PCOLCE2: variants seen among roughly 807,000 people sequenced by gnomAD.
PCOLCE2 encodes the protein procollagen C-proteinase enhancer 2.
Under a neutral mutation model 47.0 loss-of-function variants are expected in PCOLCE2, and 42 were observed. The ratio of observed to expected loss-of-function variants is 0.89; its 90% CI spans 0.70 to 1.16. The LOEUF is 1.16. Ranked by LOEUF, PCOLCE2 falls within the 50% of genes most tolerant of loss-of-function variation. The pLI is 0.00. For synonymous variants in PCOLCE2, 169 were observed against 191.7 expected (o/e 0.88, Z 0.98); for missense variants, 500 against 526.1 (o/e 0.95, Z 0.49).
rs1010726022 is a variant in PCOLCE2, at chr3:142,827,298, C to T, written c.865+2394G>A. The T allele has an allele frequency of 1.0e-5, 14 of 1,335,244 alleles. No individual in the cohort carries two copies. In the South Asian group the frequency reaches 1.2e-4, roughly 11 times the overall value. The allele number at this position is 1,335,244 out of a possible 1,614,324, so 82.7% of individuals were successfully genotyped here. A position where few individuals can be genotyped will look rare whatever the true frequency, so the allele number is the denominator to read the frequency against. ...ACTCGTGGCCACCAGTTCCTCTTTGCCTTATATTTGTGGTAGGCTTGGCAA... is the reference window on the plus strand; with the variant it reads ...ACTCGTGGCCACCAGTTCCTCTTTGTCTTATATTTGTGGTAGGCTTGGCAA... On this transcript the variant is annotated intron_variant, in intron 6 of 8. Transcript: ENST00000295992.
intron 2 of PCOLCE2, among the ~76,000 whole-genome samples, chr3:142,863,041 T>C (rs974231421): frequency 6.8e-6 from 1 of 147,932 alleles, no homozygotes. Flanking sequence ...TTAGTTCCCA[T>C]TTTTCACACC....
chr3:142,839,518 G>A (rs1470417240), intron 4 of PCOLCE2, among the ~76,000 whole-genome samples: 1 of 152,080 alleles, frequency 6.6e-6, no homozygotes, highest in Non-Finnish European at 1.5e-5. Flanking sequence ...TCACCATGTT[G>A]GCCAGTCTGC....
chr3:142,829,331 G>C (rs1032465953), intron 6 of PCOLCE2, among the ~76,000 whole-genome samples: 1 of 148,550 alleles, frequency 6.7e-6, no homozygotes. Flanking sequence ...AACACAGATA[G>C]CAAGGCCCTA....
chr3:142,822,926 G>C (rs1217566263), intron 7 of PCOLCE2, among the ~76,000 whole-genome samples: 2 of 152,182 alleles, frequency 1.3e-5, no homozygotes, highest in African/African-American at 4.8e-5. Context: ...AAATAACCAA[G>C]ATAAAATGTT....
At chr3:142,819,192 A>G (rs772706559) in intron 8 of PCOLCE2, among the ~76,000 whole-genome samples, 1 of 152,208 alleles carries the variant, frequency 6.6e-6, no homozygotes, top group Non-Finnish European at 1.5e-5. Flanking sequence ...TATTGGTTAT[A>G]CTATGTTTTT....
chr3:142,843,210 A>G, intron 3 of PCOLCE2, 162 bp from the exon 4 acceptor site: 1 of 708,000 alleles, frequency 1.4e-6, no homozygotes, highest in East Asian at 2.8e-5. Context: ...TACATACATA[A>G]CCCCCCAACA....
At chr3:142,828,715 C>T (rs1937112680) in intron 6 of PCOLCE2, among the ~76,000 whole-genome samples, 2 of 152,178 alleles carry the variant, frequency 1.3e-5, no homozygotes, top group African/African-American at 2.4e-5. Flanking sequence ...CAAATCCATG[C>T]TTGCGATTTC....
chr3:142,830,480 G>A (rs1265230071), intron 5 of PCOLCE2, among the ~76,000 whole-genome samples: 1 of 152,200 alleles, frequency 6.6e-6, no homozygotes, highest in African/African-American at 2.4e-5. Flanking sequence ...TTCAATGGCA[G>A]TTCTTCGGTA....
chr3:142,834,789 TTGTAC>T (rs1486731339), intron 5 of PCOLCE2, among the ~76,000 whole-genome samples: 1 of 152,212 alleles, frequency 6.6e-6, no homozygotes, highest in Non-Finnish European at 1.5e-5. Context: ...TATTATTTTC[TTGTAC>T]TGTCCTTACC....
chr3:142,885,174 T>C (rs1489649300), intron 2 of PCOLCE2, among the ~76,000 whole-genome samples: 1 of 152,202 alleles, frequency 6.6e-6, no homozygotes, highest in Non-Finnish European at 1.5e-5. Flanking sequence ...AATCAGACAT[T>C]TCCCATTCTT....
chr3:142,856,527 C>T (rs1444133899), intron 2 of PCOLCE2, among the ~76,000 whole-genome samples: 3 of 152,126 alleles, frequency 2.0e-5, no homozygotes, highest in Non-Finnish European at 4.4e-5. Flanking sequence ...ACAGGCCCTT[C>T]GGCATTGGGA....
At chr3:142,871,205 G>GA (rs1317145852) in intron 2 of PCOLCE2, among the ~76,000 whole-genome samples, 3 of 152,068 alleles carry the variant, frequency 2.0e-5, no homozygotes, top group Non-Finnish European at 4.4e-5. Context: ...AATATATCCA[G>GA]AAAACGGCCC....
chr3:142,867,648 A>C (rs1227501357), intron 2 of PCOLCE2, among the ~76,000 whole-genome samples: 1 of 151,320 alleles, frequency 6.6e-6, no homozygotes, highest in Non-Finnish European at 1.5e-5. Flanking sequence ...AATGACAACT[A>C]AAATCACAAC....
At chr3:142,832,398 A>G (rs922003817) in intron 5 of PCOLCE2, among the ~76,000 whole-genome samples, 1 of 152,178 alleles carries the variant, frequency 6.6e-6, no homozygotes, top group Non-Finnish European at 1.5e-5. Flanking sequence ...TCATCTGTAT[A>G]GAGGCCCCAA....
chr3:142,848,122 AC>A, intron 3 of PCOLCE2, 94 bp downstream of exon 3: 1 of 1,294,052 alleles, frequency 7.7e-7, no homozygotes, highest in South Asian at 1.4e-5. Flanking sequence ...CTCTTTGAGA[AC>A]CACTCTTAAG....
chr3:142,873,528 T>A (rs73232753), intron 2 of PCOLCE2, among the ~76,000 whole-genome samples: 1 of 152,340 alleles, frequency 6.6e-6, no homozygotes, highest in Non-Finnish European at 1.5e-5. Context: ...TTTACACATA[T>A]AATTAACAAA....
At chr3:142,836,619 T>G (rs1371389578) in intron 5 of PCOLCE2, among the ~76,000 whole-genome samples, 1 of 152,240 alleles carries the variant, frequency 6.6e-6, no homozygotes, top group Non-Finnish European at 1.5e-5. Context: ...TCTTGCATAT[T>G]GCTAGAAAAT....
chr3:142,876,876 G>C (rs886988167), intron 2 of PCOLCE2, among the ~76,000 whole-genome samples: 1 of 152,306 alleles, frequency 6.6e-6, no homozygotes, highest in Non-Finnish European at 1.5e-5. Context: ...AATGCTGGGG[G>C]ATGCCAGAAA....
rs370768989 is a variant in PCOLCE2 at position 142,887,631 on chromosome 3, C to A, written c.192+38G>T. The A allele has an allele frequency of 2.8e-6, 3 of 1,056,374 alleles. No individual in the cohort carries two copies. In the African/African-American group the frequency reaches 4.7e-5, roughly 16 times the overall value. 65.4% of individuals were successfully genotyped at this position (1,056,374 alleles called of 1,614,324 possible). A position where few individuals can be genotyped will look rare whatever the true frequency, so the allele number is the denominator to read the frequency against. On this transcript the variant is annotated intron_variant, in intron 2 of 8. Coordinates refer to ENST00000295992, the MANE Select transcript of PCOLCE2 (RefSeq NM_013363.4). ...CAGCAGCCTCACACTGTTGCCAACA[C>A]CCACTTCCAGGAGAATACCTTTTTA...
Sources: allele counts gnomAD v4.1 joint callset (sites outside exome capture counted in the v4.1 genomes callset), GRCh38; gene constraint gnomAD v4.1.1; transcripts MANE v1.5; gene names NCBI Gene and HGNC (gene_info 2026-07-23, HGNC 2026-07-21).